DCUN1D4: variants seen among roughly 807,000 people sequenced by gnomAD.
DCUN1D4 encodes the protein DCN1-like protein 4.
In DCUN1D4, 22 loss-of-function variants were observed where a neutral mutation model predicts 47.9. The ratio of observed to expected loss-of-function variants is 0.46; its 90% CI spans 0.33 to 0.66. The LOEUF (loss-of-function observed/expected upper bound fraction) is 0.66, where lower values mean the gene tolerates loss of function less well. Ranked by LOEUF, DCUN1D4 falls within the 30% of genes least tolerant of loss-of-function variation. DCUN1D4 has a pLI of 0.02. For synonymous variants in DCUN1D4, 121 were observed against 112.2 expected, an observed-to-expected ratio of 1.08 and a Z score of -0.50; for missense variants, 301 against 340.8, an observed-to-expected ratio of 0.88 and a Z score of 0.92.
At chr4:51,912,900 G>A (rs935539403) in intron 9 of DCUN1D4, among the ~76,000 whole-genome samples, 2 of 152,182 alleles carry the variant, frequency 1.3e-5, no homozygotes, top group Non-Finnish European at 2.9e-5. Context: ...CACTTACTTT[G>A]TGCCAAACAC....
At chr4:51,906,637 C>T (rs547913465) in intron 8 of DCUN1D4, among the ~76,000 whole-genome samples, 1 of 152,270 alleles carries the variant, frequency 6.6e-6, no homozygotes, top group African/African-American at 2.4e-5. Context: ...GAAGGTAGGC[C>T]TGGGTGACAG....
chr4:51,851,463 A>G (rs1055387214), intron 1 of DCUN1D4, among the ~76,000 whole-genome samples: 23 of 151,870 alleles, frequency 1.5e-4, no homozygotes, highest in African/African-American at 5.3e-4. Flanking sequence ...CAGCGACAAC[A>G]TGGCATGGTG....
At chr4:51,888,256 G>T (rs1353521946) in intron 6 of DCUN1D4, among the ~76,000 whole-genome samples, 2 of 152,116 alleles carry the variant, frequency 1.3e-5, no homozygotes, top group African/African-American at 4.8e-5. Context: ...GGGCTTGCTG[G>T]TATGTGAGGG....
intron 6 of DCUN1D4, among the ~76,000 whole-genome samples, chr4:51,887,590 T>G (rs1217991291): frequency 1.3e-5 from 2 of 152,218 alleles, no homozygotes; most frequent in Admixed American, 1.3e-4. Flanking sequence ...AACTATGCAG[T>G]TTGATATTAC....
chr4:51,870,504 C>CT lies in DCUN1D4; in HGVS notation c.137-3754dup, dbSNP rs78387274. Among the ~76,000 whole-genome samples, 727 of 142,104 alleles carry CT rather than the reference C, an allele frequency of 5.1e-3. 4 individuals are homozygous for CT. The highest frequency in any genetic ancestry group is 0.013 in the African/African-American group (516 of 38,786). The allele number at this position is 142,104 out of a possible 152,430, so 93.2% of individuals were successfully genotyped here. ...GGTGTTTTAAGTCTCTGGAAATGTA[C>CT]TTTTTTTTTTTTTAGAAGAATCTGA... On this transcript the variant is annotated intron_variant, in intron 3 of 10. Transcript: ENST00000334635.
Position 51,843,274 on chromosome 4 carries a change from A to G in DCUN1D4, c.25+7A>G. The G allele has an allele frequency of 6.5e-7, 1 of 1,535,644 alleles. No individual in the cohort carries two copies. The highest frequency in any genetic ancestry group is 8.8e-7 in the Non-Finnish European group (1 of 1,141,252). ...TCGGATGCCGCCGCTGTCAGTGAGT[A>G]GCAGAGAGCCAGCCAGCGGGCCGGG... On this transcript the variant is annotated splice_region_variant and intron_variant, in intron 1 of 10. Transcript: ENST00000334635.
intron 1 of DCUN1D4, among the ~76,000 whole-genome samples, chr4:51,856,902 G>T (rs1488869154): frequency 6.6e-6 from 1 of 152,216 alleles, no homozygotes; most frequent in East Asian, 1.9e-4. Flanking sequence ...GAAGAATCCA[G>T]CACAGCCTAT....
intron 6 of DCUN1D4, among the ~76,000 whole-genome samples, chr4:51,888,676 A>G (rs1215793769): frequency 2.0e-5 from 3 of 150,964 alleles, no homozygotes; most frequent in Non-Finnish European, 4.4e-5. Flanking sequence ...CAGAGCCGAC[A>G]TCATGCCACT....
chr4:51,905,927 G>A (rs1453317542), intron 8 of DCUN1D4, among the ~76,000 whole-genome samples: 2 of 152,124 alleles, frequency 1.3e-5, no homozygotes, highest in Non-Finnish European at 2.9e-5. Flanking sequence ...AGTGATCGAG[G>A]TGAACCAGAC....
Position 51,915,885 on chromosome 4 carries a change from A to G in DCUN1D4, c.*2301A>G, listed in dbSNP as rs1734276535. ...AGGGATAATCTTGCATATTAAGAAA[A>G]CTCCAAATAATCTTTAAACTGCCTT... On this transcript the variant is annotated 3_prime_UTR_variant, in exon 11 of 11. Coordinates refer to ENST00000334635, the MANE Select transcript of DCUN1D4 (RefSeq NM_001040402.3). The G allele has an allele frequency of 6.6e-6, 1 of 152,462 alleles. No individual in the cohort carries two copies. The highest frequency in any genetic ancestry group is 1.5e-5 in the Non-Finnish European group (1 of 67,978). 9.4% of individuals were successfully genotyped at this position (152,462 alleles called of 1,614,324 possible).
At chr4:51,882,624 G>A (rs184152246) in intron 5 of DCUN1D4, among the ~76,000 whole-genome samples, 7 of 152,136 alleles carry the variant, frequency 4.6e-5, no homozygotes, top group East Asian at 1.9e-4. Context: ...AAAATTAGTC[G>A]GGCGTGGTGG....
At chr4:51,848,032 A>G (rs1464149989) in intron 1 of DCUN1D4, among the ~76,000 whole-genome samples, 1 of 152,234 alleles carries the variant, frequency 6.6e-6, no homozygotes, top group Non-Finnish European at 1.5e-5. Context: ...TAAATGATCA[A>G]CTATTGAATA....
rs192851819 is a variant in DCUN1D4 at position 51,888,488 on chromosome 4, C to T, written c.414+1850C>T. On this transcript the variant is annotated intron_variant, in intron 6 of 10. Coordinates refer to ENST00000334635, the MANE Select transcript of DCUN1D4 (RefSeq NM_001040402.3). ...TGGCATGATGGCTCACGCCTGTAAT[C>T]CCAGCACTTTGGGAGGCCGAGACAG... is the stretch of plus-strand genomic sequence containing the variant. Among the ~76,000 whole-genome samples the T allele has an allele frequency of 3.3e-3, 507 of 152,260 alleles. 4 individuals are homozygous for T. The highest frequency in any genetic ancestry group is 0.012 in the African/African-American group (485 of 41,526).
At chr4:51,842,661 C>T (rs1577792469), upstream of DCUN1D4, among the ~76,000 whole-genome samples, 1 of 152,322 alleles carries the variant, frequency 6.6e-6, no homozygotes, top group East Asian at 1.9e-4. Flanking sequence ...CCGGCCGCGT[C>T]GCGCCGGGCG....
At chr4:51,911,897 C>A (rs970715220) in intron 9 of DCUN1D4, among the ~76,000 whole-genome samples, 3 of 152,096 alleles carry the variant, frequency 2.0e-5, no homozygotes, top group Admixed American at 2.0e-4. Context: ...TAAAAAGTGT[C>A]CTTTGCTTGC....
intron 1 of DCUN1D4, chr4:51,848,449 T>A: frequency 1.0e-6 from 1 of 958,936 alleles, no homozygotes; most frequent in Non-Finnish European, 1.3e-6. Context: ...AAGGATTTAT[T>A]TCTTAAGTTA....
intron 1 of DCUN1D4, among the ~76,000 whole-genome samples, chr4:51,848,541 T>C (rs557629505): frequency 1.4e-4 from 21 of 152,364 alleles, no homozygotes; most frequent in African/African-American, 5.0e-4. Flanking sequence ...TAAATGCTGG[T>C]AAATTTTTAT....
chr4:51,902,031 C>T (rs1207729400), intron 8 of DCUN1D4, among the ~76,000 whole-genome samples: 1 of 151,954 alleles, frequency 6.6e-6, no homozygotes, highest in African/African-American at 2.4e-5. Context: ...TCTAGTTCAC[C>T]TTGTGAATTC....
intron 1 of DCUN1D4, 36 bp downstream of exon 1, chr4:51,843,303 G>A (rs1721885576): frequency 4.0e-6 from 6 of 1,507,490 alleles, no homozygotes; most frequent in African/African-American, 1.4e-5. Flanking sequence ...GGCCGGGGCC[G>A]GGCGGCTGCC....
Sources: allele counts gnomAD v4.1 joint callset (sites outside exome capture counted in the v4.1 genomes callset), GRCh38; gene constraint gnomAD v4.1.1; transcripts MANE v1.5; gene names NCBI Gene and HGNC (gene_info 2026-07-23, HGNC 2026-07-21).